Variants in NRDE2 observed in about 807,000 individuals in gnomAD.
NRDE2 encodes nuclear exosome regulator NRDE2.
NRDE2 carries 76 observed loss-of-function variants against 124.2 expected under a neutral mutation model. The observed-to-expected ratio is 0.61, with a 90% CI of 0.51 to 0.74. The LOEUF (loss-of-function observed/expected upper bound fraction) is 0.74, where lower values mean the gene tolerates loss of function less well. Among genes scored for constraint, NRDE2 ranks in the 30% least tolerant of loss-of-function variants. The pLI, the probability that NRDE2 is intolerant of heterozygous loss-of-function variation, is 0.00. For missense variants in NRDE2, 1,314 were observed against 1,417.3 expected, an observed-to-expected ratio of 0.93 and a Z score of 1.17; for synonymous variants, 489 against 528.1, an observed-to-expected ratio of 0.93 and a Z score of 1.01.
rs1290592011 is a variant in NRDE2, at chr14:90,270,308, G to A, written c.*8028C>T. 11 of 1,613,558 alleles carry A rather than the reference G, an allele frequency of 6.8e-6. No homozygotes were observed. The highest frequency in any genetic ancestry group is 4.5e-5 in the East Asian group (2 of 44,832). ...GCTGGCTGATGATGTAACCCTGGACGACCTGATCATGGCTAAAGATGACCT... is the reference window on the plus strand; with the variant it reads ...GCTGGCTGATGATGTAACCCTGGACAACCTGATCATGGCTAAAGATGACCT... On this transcript the variant is annotated 3_prime_UTR_variant, in exon 14 of 14. Coordinates refer to ENST00000354366, the MANE Select transcript of NRDE2 (RefSeq NM_017970.4).
At position 90,268,468 on chromosome 14, in the gene NRDE2, T is replaced by G; in HGVS notation, c.*9868A>C. The G allele has an allele frequency of 1.6e-4, 246 of 1,540,562 alleles. No individual in the cohort carries two copies. Among genetic ancestry groups the G allele is most frequent in the Middle Eastern group, 3.4e-4 (2 of 5,818 alleles). ...TTTAGTAGGGAACACCGCATAGCTC[T>G]TCTCTTGAGAATGAGCAATCTCAGG... On this transcript the variant is annotated 3_prime_UTR_variant, in exon 14 of 14. Coordinates refer to ENST00000354366, the MANE Select transcript of NRDE2 (RefSeq NM_017970.4).
chr14:90,321,540 C>A (rs1885240364), intron 1 of NRDE2, among the ~76,000 whole-genome samples: 1 of 144,396 alleles, frequency 6.9e-6, no homozygotes, highest in Admixed American at 7.0e-5. Flanking sequence ...AGCAAGACCC[C>A]AGCTCTATTA....
At chr14:90,324,675 A>G (rs1253962861) in intron 1 of NRDE2, among the ~76,000 whole-genome samples, 2 of 145,538 alleles carry the variant, frequency 1.4e-5, no homozygotes, top group Non-Finnish European at 3.1e-5. Context: ...TCCGTCTCCA[A>G]AAAAAAAAAA....
intron 4 of NRDE2, among the ~76,000 whole-genome samples, chr14:90,310,848 A>G (rs1403748395): frequency 6.6e-6 from 1 of 152,184 alleles, no homozygotes; most frequent in Non-Finnish European, 1.5e-5. Flanking sequence ...CTGGGGTAGT[A>G]CCCTGTGGTG....
chr14:90,292,421 G>A (rs929252671), intron 9 of NRDE2, among the ~76,000 whole-genome samples: 1 of 152,196 alleles, frequency 6.6e-6, no homozygotes, highest in Non-Finnish European at 1.5e-5. Context: ...CTCCAGAGGG[G>A]TGACCACAAG....
intron 1 of NRDE2, among the ~76,000 whole-genome samples, chr14:90,319,370 A>C (rs952598964): frequency 2.6e-5 from 4 of 152,148 alleles, no homozygotes; most frequent in Non-Finnish European, 5.9e-5. Flanking sequence ...GTCATGTACA[A>C]TTTAACAGAT....
rs943669187 is a variant in NRDE2, at chr14:90,277,848, G to C, written c.*488C>G. 1.9e-5 allele frequency: 3 copies of C among 156,442 alleles called. No homozygotes were observed. The highest frequency in any genetic ancestry group is 7.2e-5 in the African/African-American group (3 of 41,552). 9.7% of individuals were successfully genotyped at this position (156,442 alleles called of 1,614,324 possible). ...CTTGCCACACACTGCGTGCAGGCCA[G>C]AACACCAAGCGTTAACTGCGGGTCT... On this transcript the variant is annotated 3_prime_UTR_variant, in exon 14 of 14. Transcript: ENST00000354366.
intron 12 of NRDE2, among the ~76,000 whole-genome samples, chr14:90,283,863 T>C (rs986780156): frequency 2.6e-5 from 4 of 151,814 alleles, no homozygotes; most frequent in African/African-American, 9.7e-5. Context: ...AGGCACCTGC[T>C]ACCACGCCCG....
chr14:90,299,810 A>C (rs1273597832), intron 7 of NRDE2, among the ~76,000 whole-genome samples: 5 of 152,198 alleles, frequency 3.3e-5, no homozygotes, highest in Admixed American at 6.5e-5. Context: ...TTAAGAAAAA[A>C]AATTTTTTTT....
chr14:90,277,320 G>T lies in NRDE2; in HGVS notation c.*1016C>A, dbSNP rs776687411. The T allele has an allele frequency of 6.6e-6, 1 of 152,200 alleles. No homozygotes were observed. Among genetic ancestry groups the T allele is most frequent in the East Asian group, 1.9e-4 (1 of 5,198 alleles). 9.4% of individuals were successfully genotyped at this position (152,200 alleles called of 1,614,324 possible). On this transcript the variant is annotated 3_prime_UTR_variant, in exon 14 of 14. Coordinates refer to ENST00000354366, the MANE Select transcript of NRDE2 (RefSeq NM_017970.4). Reference sequence around the variant, plus strand: ...TGTGCTGAGGAGATACAAGTATACAGCAATTCTAAAGAGAGGAAAACAAAA... The same window carrying T: ...TGTGCTGAGGAGATACAAGTATACATCAATTCTAAAGAGAGGAAAACAAAA...
chr14:90,287,273 G>A (rs369199791), intron 11 of NRDE2, among the ~76,000 whole-genome samples: 2 of 152,004 alleles, frequency 1.3e-5, no homozygotes, highest in African/African-American at 2.4e-5. Flanking sequence ...GGAAAACAAT[G>A]ATGCCTAAGC....
chr14:90,292,979 T>G, intron 8 of NRDE2, 107 bp from the exon 9 acceptor site: 1 of 967,250 alleles, frequency 1.0e-6, no homozygotes, highest in South Asian at 1.5e-5. Context: ...TGCCAAGATG[T>G]GTAAGAGCCA....
intron 4 of NRDE2, 97 bp downstream of exon 4, chr14:90,312,297 A>G (rs1566697380): frequency 6.0e-6 from 7 of 1,161,228 alleles, no homozygotes; most frequent in Non-Finnish European, 8.8e-6. Flanking sequence ...AGAACTGATG[A>G]AAGAGAGAAA....
chr14:90,306,671 G>A (rs1386359018), intron 4 of NRDE2, among the ~76,000 whole-genome samples: 2 of 152,104 alleles, frequency 1.3e-5, no homozygotes, highest in African/African-American at 2.4e-5. Context: ...TTAGCTGGGC[G>A]TGGTGGCACA....
rs1891782273 is a variant in NRDE2, at chr14:90,275,396, C to CTAAG, written c.*2936_*2939dup. The CTAAG allele has an allele frequency of 6.6e-6, 1 of 152,124 alleles. No individual in the cohort carries two copies. 9.4% of individuals were successfully genotyped at this position (152,124 alleles called of 1,614,324 possible). Reference sequence around the variant, plus strand: ...CTTTGTAACGCACTTGCATCTTTTCCTAAGTTTGAGATTAAAAAAAACAAA... The same window carrying CTAAG: ...CTTTGTAACGCACTTGCATCTTTTCCTAAGTAAGTTTGAGATTAAAAAAAACAAA... On this transcript the variant is annotated 3_prime_UTR_variant, in exon 14 of 14. Coordinates refer to ENST00000354366, the MANE Select transcript of NRDE2 (RefSeq NM_017970.4).
In NRDE2 at chr14:90,331,924, GTTC is replaced by G. The variant is rs1566706453; in HGVS notation, c.-23_-21del. ...CGCCATGACCACAGGCCGTACCTCC[GTTC>G]TTCTCTATAGGGATGGCGCCGGCGA... On this transcript the variant is annotated 5_prime_UTR_variant, in exon 1 of 14. Transcript: ENST00000354366. 6.2e-7 allele frequency: 1 copy of G among 1,613,838 alleles called. No individual in the cohort carries two copies. The highest frequency in any genetic ancestry group is 1.3e-5 in the African/African-American group (1 of 74,936).
Position 90,288,635 on chromosome 14 carries a change from G to A in NRDE2, c.2740C>T (p.Gln914Ter). Residue 914 changes from glutamine (Q) to a stop codon, truncating the protein, a stop_gained, in exon 11 of 14, where the codon CAG becomes TAG. Transcript: ENST00000354366. LOFTEE classifies it high-confidence loss of function. ...GCATCAATCCCTATGGTCAAATACTGGAAGAGCATGAAGCATTTAGCCAGG... is the reference window on the plus strand; with the variant it reads ...GCATCAATCCCTATGGTCAAATACTAGAAGAGCATGAAGCATTTAGCCAGG... ...ISLAKCFMLF[Q>*]YLTIGIDAAV... 6.2e-7 allele frequency: 1 copy of A among 1,614,108 alleles called. No homozygotes were observed. The highest frequency in any genetic ancestry group is 8.5e-7 in the Non-Finnish European group (1 of 1,180,050).
rs373072769 is a variant in NRDE2 at position 90,286,528 on chromosome 14, C to T, written c.3159-36G>A. 1.2e-5 allele frequency: 19 copies of T among 1,599,880 alleles called. No homozygotes were observed. The African/African-American group carries it at 2.6e-4, about 22-fold the overall frequency. On this transcript the variant is annotated intron_variant, in intron 11 of 13. Transcript: ENST00000354366. ...AAGGCTCACGTGACTCTGACACAAG[C>T]TCTCTCATCCTACATCACAGAAGGA...
Position 90,272,377 on chromosome 14 carries a change from G to A in NRDE2, c.*5959C>T. 1.9e-6 allele frequency: 3 copies of A among 1,582,398 alleles called. No individual in the cohort carries two copies. Among genetic ancestry groups the A allele is most frequent in the Non-Finnish European group, 2.6e-6 (3 of 1,163,516 alleles). On this transcript the variant is annotated 3_prime_UTR_variant, in exon 14 of 14. Transcript: ENST00000354366. This position sits in a 1 kb window ranked among gnomAD's most constrained non-coding sequence, Gnocchi z 4.5. ...AAGAAAATGTTCTTTATAAGAAACAGGAAGGCACCCCTGAGGGGCTGTATC... is the reference window on the plus strand; with the variant it reads ...AAGAAAATGTTCTTTATAAGAAACAAGAAGGCACCCCTGAGGGGCTGTATC...
Sources: allele counts gnomAD v4.1 joint callset (sites outside exome capture counted in the v4.1 genomes callset), GRCh38; gene constraint gnomAD v4.1.1; non-coding constraint Gnocchi (gnomAD v3.1); transcripts MANE v1.5; gene names NCBI Gene and HGNC (gene_info 2026-07-23, HGNC 2026-07-21).